TMEM117: variants seen among roughly 807,000 people sequenced by gnomAD.
TMEM117 encodes transmembrane protein 117.
Under a neutral mutation model 52.4 loss-of-function variants are expected in TMEM117, and 27 were observed. The observed-to-expected ratio is 0.51, with a 90% CI of 0.38 to 0.71. TMEM117 has a LOEUF of 0.71. TMEM117 is among the 30% of genes least tolerant of loss of function. TMEM117 has a pLI of 0.00. For synonymous variants in TMEM117, 215 were observed against 206.3 expected, an observed-to-expected ratio of 1.04 and a Z score of -0.36; for missense variants, 556 against 630.5, an observed-to-expected ratio of 0.88 and a Z score of 1.26.
At chr12:44,253,738 T>G (rs186551970) in intron 5 of TMEM117, among the ~76,000 whole-genome samples, 29 of 152,104 alleles carry the variant, frequency 1.9e-4, no homozygotes, top group African/African-American at 7.0e-4. Flanking sequence ...AGAGATCATT[T>G]GTTCAAGGTG....
At chr12:44,171,018 T>TG (rs554226595) in intron 4 of TMEM117, among the ~76,000 whole-genome samples, 1 of 147,910 alleles carries the variant, frequency 6.8e-6, no homozygotes, top group South Asian at 2.2e-4. Flanking sequence ...AATATCTTTT[T>TG]TTTTTTTTTT....
At chr12:44,258,900 C>G (rs372016965) in intron 5 of TMEM117, among the ~76,000 whole-genome samples, 1 of 152,044 alleles carries the variant, frequency 6.6e-6, no homozygotes, top group Non-Finnish European at 1.5e-5. Context: ...TGAAATTTGT[C>G]TGAATTGAGA....
At chr12:44,033,299 A>G (rs889676636) in intron 3 of TMEM117, among the ~76,000 whole-genome samples, 2 of 152,210 alleles carry the variant, frequency 1.3e-5, no homozygotes. Context: ...ATGAGCAACT[A>G]GCAGCCCTCT....
chr12:44,221,658 G>A lies in TMEM117; in HGVS notation c.608+10271G>A, dbSNP rs190031120. Among the ~76,000 whole-genome samples, 8 of 151,912 alleles carry A rather than the reference G, an allele frequency of 5.3e-5. No homozygotes were observed. In the East Asian group the frequency reaches 1.2e-3, roughly 22 times the overall value. ...CTTTCAGAGAACTCAGTCTTATTTG[G>A]TTAAGTCTATTTTGAATAAATGTTT... is the stretch of plus-strand genomic sequence containing the variant. On this transcript the variant is annotated intron_variant, in intron 5 of 7. Transcript: ENST00000266534.
At chr12:43,863,437 T>G (rs920528692) in intron 2 of TMEM117, among the ~76,000 whole-genome samples, 3 of 152,176 alleles carry the variant, frequency 2.0e-5, no homozygotes, top group African/African-American at 7.2e-5. Context: ...CTGAATTAGA[T>G]TTTTAGAGTG....
chr12:44,083,188 T>C (rs1439790524), intron 3 of TMEM117, among the ~76,000 whole-genome samples: 1 of 152,134 alleles, frequency 6.6e-6, no homozygotes. Context: ...AGGCATATAA[T>C]GAAGAGCAGA....
chr12:44,283,594 C>A (rs535836883), intron 5 of TMEM117, among the ~76,000 whole-genome samples: 2 of 152,310 alleles, frequency 1.3e-5, no homozygotes, highest in Admixed American at 1.3e-4. Flanking sequence ...ACCTGTACCC[C>A]CATTGTATCT....
chr12:43,845,381 A>G (rs1178662739), intron 2 of TMEM117, among the ~76,000 whole-genome samples: 2 of 150,246 alleles, frequency 1.3e-5, no homozygotes, highest in East Asian at 3.9e-4. Context: ...GAATCGCTTG[A>G]ACCTGGGAGG....
At chr12:44,152,541 A>G (rs1592562368) in intron 4 of TMEM117, among the ~76,000 whole-genome samples, 1 of 120,146 alleles carries the variant, frequency 8.3e-6, no homozygotes, top group Non-Finnish European at 1.6e-5. Context: ...TATATCATAT[A>G]AATTTTTATA....
At chr12:44,391,950 A>T (rs1952163795), downstream of TMEM117, among the ~76,000 whole-genome samples, 1 of 152,058 alleles carries the variant, frequency 6.6e-6, no homozygotes, top group South Asian at 2.1e-4. Context: ...CCCAACTCTG[A>T]CCTATTAGCC....
intron 6 of TMEM117, among the ~76,000 whole-genome samples, chr12:44,330,851 G>A (rs1175648793): frequency 6.6e-6 from 1 of 152,056 alleles, no homozygotes; most frequent in East Asian, 1.9e-4. Flanking sequence ...CACATGGAAG[G>A]AAACCTCCTT....
intron 6 of TMEM117, among the ~76,000 whole-genome samples, chr12:44,355,198 A>G (rs529776388): frequency 2.8e-4 from 42 of 152,164 alleles, no homozygotes; most frequent in African/African-American, 5.8e-4. Flanking sequence ...TTTCAGCTCT[A>G]TATATTTATT....
chr12:44,317,649 C>G (rs950274273), intron 6 of TMEM117, among the ~76,000 whole-genome samples: 2 of 152,102 alleles, frequency 1.3e-5, no homozygotes, highest in African/African-American at 2.4e-5. Flanking sequence ...ACCAGCCTGG[C>G]CTTGGCTTTG....
At chr12:43,926,335 TCTC>T (rs1277510217) in intron 2 of TMEM117, among the ~76,000 whole-genome samples, 2 of 152,178 alleles carry the variant, frequency 1.3e-5, no homozygotes, top group Non-Finnish European at 2.9e-5. Flanking sequence ...TCAACACTCT[TCTC>T]CTCTCTTCCA....
At chr12:43,820,797 T>A in the TMEM117 span, among the ~76,000 whole-genome samples, 138 of 152,096 alleles carry the variant, frequency 9.1e-4, 1 homozygote, top group African/African-American at 3.2e-3. Flanking sequence ...AACCCTTCTG[T>A]CTTTCTATAA....
intron 3 of TMEM117, among the ~76,000 whole-genome samples, chr12:43,945,839 A>G (rs1040956325): frequency 1.3e-5 from 2 of 152,178 alleles, no homozygotes; most frequent in African/African-American, 4.8e-5. Context: ...TCCATGGGAA[A>G]CATGGAACTG....
chr12:43,829,467 G>A, the TMEM117 span, among the ~76,000 whole-genome samples: 2 of 152,102 alleles, frequency 1.3e-5, no homozygotes, highest in East Asian at 3.9e-4. Context: ...GGTGTATTTG[G>A]TACTTTACAT....
intron 3 of TMEM117, among the ~76,000 whole-genome samples, chr12:43,976,935 A>G (rs192295743): frequency 6.6e-5 from 10 of 152,148 alleles, no homozygotes; most frequent in Admixed American, 3.3e-4. Context: ...AGTGACATGT[A>G]GTATTACTTG....
chr12:44,044,621 G>T (rs945258079), intron 3 of TMEM117, among the ~76,000 whole-genome samples: 10 of 152,218 alleles, frequency 6.6e-5, no homozygotes, highest in South Asian at 2.1e-4. Context: ...AGCCTGCACA[G>T]ATGGCTTCAT....
Sources: allele counts gnomAD v4.1 joint callset (sites outside exome capture counted in the v4.1 genomes callset), GRCh38; gene constraint gnomAD v4.1.1; transcripts MANE v1.5; gene names NCBI Gene and HGNC (gene_info 2026-07-23, HGNC 2026-07-21).